WIPI2: variants seen among roughly 807,000 people sequenced by gnomAD.
WIPI2 encodes WD repeat domain phosphoinositide-interacting protein 2.
A neutral mutation model predicts 52.3 loss-of-function variants in WIPI2; 28 were observed. The ratio of observed to expected loss-of-function variants is 0.54; its 90% confidence interval spans 0.40 to 0.73. The LOEUF (loss-of-function observed/expected upper bound fraction) is 0.73. Among genes scored for constraint, WIPI2 ranks in the 30% least tolerant of loss-of-function variants. WIPI2 has a pLI of 0.00. For missense variants in WIPI2, 506 were observed against 602.9 expected (o/e 0.84, Z 1.68); for synonymous variants, 268 against 245.0 (o/e 1.09, Z -0.88).
At chr7:5,211,848 A>G (rs986883752) in intron 3 of WIPI2, among the ~76,000 whole-genome samples, 21 of 152,176 alleles carry the variant, frequency 1.4e-4, no homozygotes, top group African/African-American at 5.1e-4. Flanking sequence ...TGTGATTGTT[A>G]AACTCGCCTT....
intron 3 of WIPI2, chr7:5,214,296 CT>C: frequency 1.3e-6 from 2 of 1,512,332 alleles, no homozygotes; most frequent in Non-Finnish European, 1.8e-6. Flanking sequence ...GAACCTTTGT[CT>C]TTCGTGTGAA....
intron 2 of WIPI2, among the ~76,000 whole-genome samples, chr7:5,194,235 T>C (rs1781631345): frequency 6.6e-6 from 1 of 152,132 alleles, no homozygotes; most frequent in South Asian, 2.1e-4. Context: ...GGGGGTGGGC[T>C]GTCCATAGCC....
At chr7:5,198,399 C>G (rs1318946491) in intron 2 of WIPI2, among the ~76,000 whole-genome samples, 3 of 152,070 alleles carry the variant, frequency 2.0e-5, no homozygotes, top group African/African-American at 4.8e-5. Context: ...CTGCAGCCAC[C>G]TCCTCCCAGG....
intron 7 of WIPI2, among the ~76,000 whole-genome samples, chr7:5,220,524 C>T (rs1379676996): frequency 6.6e-6 from 1 of 151,928 alleles, no homozygotes; most frequent in Non-Finnish European, 1.5e-5. Context: ...CAGGAGTGAG[C>T]CACCACGCCC....
chr7:5,218,684 G>A (rs980768150), intron 7 of WIPI2: 1 of 152,238 alleles, frequency 6.6e-6, no homozygotes, highest in South Asian at 2.1e-4. Context: ...GGCTTTAAAG[G>A]AGATGGCCTC....
intron 8 of WIPI2, among the ~76,000 whole-genome samples, chr7:5,224,812 A>G (rs891801216): frequency 1.3e-5 from 2 of 152,170 alleles, no homozygotes; most frequent in African/African-American, 2.4e-5. Flanking sequence ...AGGAACAAGG[A>G]CGGCTTGGAG....
intron 3 of WIPI2, among the ~76,000 whole-genome samples, chr7:5,211,821 C>CT (rs1485529373): frequency 5.3e-5 from 8 of 152,200 alleles, no homozygotes; most frequent in African/African-American, 1.9e-4. Flanking sequence ...CTAATTAGAG[C>CT]AGAGCTGAGA....
chr7:5,217,130 G>T lies in WIPI2; in HGVS notation c.519G>T (p.Leu173Phe). The T allele has an allele frequency of 6.2e-7, 1 of 1,614,030 alleles. No individual in the cohort carries two copies. The change falls in exon 6 of 13, where the codon TTG becomes TTT. Residue 173 changes from leucine (L) to phenylalanine (F), a missense_variant. Around this residue, in one of 4 missense-constraint regions of WIPI2, gnomAD observed 237 missense variants for 346.9 expected, o/e 0.68. Transcript: ENST00000288828. ...ALSINNDNCY[L>F]AYPGSATIGE... The stretch of plus-strand genomic sequence containing the variant: ...CAATCAACAACGACAACTGCTACTT[G>T]GCGTACCCAGGGAGCGCGACCATCG...
rs1056561375 is a variant in WIPI2, at chr7:5,203,737, A to G, written c.211+4079A>G. ...AAGCTCCGCCTCCCGGATTCGCGCC[A>G]TTCTCCTGCCTCAGCCTCCCGAGTA... is the stretch of plus-strand genomic sequence containing the variant. On this transcript the variant is annotated intron_variant, in intron 3 of 12. Transcript: ENST00000288828. Among the ~76,000 whole-genome samples, 16 of 140,734 alleles carry G rather than the reference A, an allele frequency of 1.1e-4. No homozygotes were observed. In the Admixed American group the frequency reaches 1.3e-3, roughly 11 times the overall value. The allele number at this position is 140,734 out of a possible 152,430, so 92.3% of individuals were successfully genotyped here. A position where few individuals can be genotyped will look rare whatever the true frequency, so the allele number is the denominator to read the frequency against.
rs147881037 is a variant in WIPI2, at chr7:5,217,959, T to C, written c.614T>C (p.Leu205Ser). 4 of 1,614,124 alleles carry C rather than the reference T, an allele frequency of 2.5e-6. No homozygotes were observed. The highest frequency in any genetic ancestry group is 1.3e-5 in the African/African-American group (1 of 74,954). The change falls in exon 7 of 13, where the codon TTA (leucine) becomes TCA (serine). Residue 205 changes from leucine to serine, a missense_variant. By Grantham distance (145) the Leu-to-Ser change is moderately radical (BLOSUM62 -2). Coordinates refer to ENST00000288828, the MANE Select transcript of WIPI2 (RefSeq NM_015610.4). ...ANMIPAHDSP[L>S]AALAFDASGT... ...ATGATTCCGGCTCACGACAGTCCTT[T>C]AGCGGCACTGGCCTTTGACGCAAGT...
In WIPI2 at chr7:5,222,949, C is replaced by T; in HGVS notation, c.740+277C>T. ...AGGTGGGCCCTCCAGTGCCCGGCAG[C>T]TCCCAGCCTGCTGTAAGGGACGGGG... On this transcript the variant is annotated intron_variant, in intron 8 of 12. Transcript: ENST00000288828. 7.4e-6 allele frequency: 3 copies of T among 403,752 alleles called. No individual in the cohort carries two copies. In the Admixed American group the frequency reaches 1.2e-4, roughly 16 times the overall value. The allele number at this position is 403,752 out of a possible 1,614,324, so 25.0% of individuals were successfully genotyped here.
At chr7:5,190,530 C>T in intron 1 of WIPI2, 37 bp downstream of exon 1, 1 of 1,460,256 alleles carries the variant, frequency 6.8e-7, no homozygotes, top group Admixed American at 2.5e-5. Flanking sequence ...CGGGGTGAGG[C>T]CAGGGTCGGA....
chr7:5,205,137 G>A (rs113401908), intron 3 of WIPI2, among the ~76,000 whole-genome samples: 6 of 152,030 alleles, frequency 3.9e-5, no homozygotes, highest in East Asian at 1.9e-4. Context: ...CACCACGCCC[G>A]GCTACATTTT....
intron 8 of WIPI2, among the ~76,000 whole-genome samples, chr7:5,223,916 A>T (rs1318623780): frequency 6.6e-6 from 1 of 152,120 alleles, no homozygotes; most frequent in East Asian, 1.9e-4. Context: ...CTCTCCCGCC[A>T]CGCCACCTGA....
At chr7:5,198,407 A>T (rs1360159372) in intron 2 of WIPI2, among the ~76,000 whole-genome samples, 1 of 151,460 alleles carries the variant, frequency 6.6e-6, no homozygotes, top group Non-Finnish European at 1.5e-5. Flanking sequence ...ACCTCCTCCC[A>T]GGTTCAAGCA....
intron 8 of WIPI2, among the ~76,000 whole-genome samples, chr7:5,224,099 A>G (rs1236800612): frequency 6.6e-6 from 1 of 152,240 alleles, no homozygotes; most frequent in Non-Finnish European, 1.5e-5. Flanking sequence ...TTGGTTCAGC[A>G]GGCCTCCCGG....
intron 6 of WIPI2, chr7:5,217,714 C>T (rs1298357760): frequency 6.7e-6 from 4 of 592,910 alleles, no homozygotes; most frequent in African/African-American, 5.6e-5. Flanking sequence ...ACATAGAAAA[C>T]CTTAGGGATA....
chr7:5,217,926 C>T lies in WIPI2; in HGVS notation c.581C>T (p.Ala194Val), dbSNP rs1360160726. 1 of 1,614,096 alleles carries T rather than the reference C, an allele frequency of 6.2e-7. No homozygotes were observed. Among genetic ancestry groups the T allele is most frequent in the Admixed American group, 1.7e-5 (1 of 60,002 alleles). ...TTATTGGTGTCCCTTTTTCAGAGAGCTGCAAACATGATTCCGGCTCACGAC... is the reference window on the plus strand; with the variant it reads ...TTATTGGTGTCCCTTTTTCAGAGAGTTGCAAACATGATTCCGGCTCACGAC... Reference protein sequence around the residue: ...VQVFDTINLRAANMIPAHDSP... With the variant: ...VQVFDTINLRVANMIPAHDSP... The change falls in exon 7 of 13, where the codon GCT becomes GTT. Residue 194 changes from alanine to valine, a missense_variant. Physicochemically the swap from Ala to Val is moderately conservative, Grantham distance 64. This residue lies in a region of WIPI2 where 237 missense variants were observed against 346.9 expected (regional missense o/e 0.68). Transcript: ENST00000288828.
intron 7 of WIPI2, 34 bp from the exon 8 acceptor site, chr7:5,222,568 G>C (rs1238868176): frequency 6.2e-7 from 1 of 1,600,322 alleles, no homozygotes; most frequent in South Asian, 1.1e-5. Flanking sequence ...TTTTAACTCA[G>C]CTCAAATTCT....
Sources: gnomAD v4.1 joint callset for allele counts (sites outside exome capture counted in the v4.1 genomes callset) on GRCh38, gnomAD v4.1.1 for gene constraint, gnomAD v4.1.1 regional missense constraint, MANE v1.5 for transcripts, NCBI Gene and HGNC (gene_info 2026-07-23, HGNC 2026-07-21) for gene names.